CAMTA1: variants seen among roughly 807,000 people sequenced by gnomAD.
CAMTA1 encodes calmodulin-binding transcription activator 1.
Under a neutral mutation model 170.9 loss-of-function variants are expected in CAMTA1, and 27 were observed. The ratio of observed to expected loss-of-function variants is 0.16; its 90% CI spans 0.12 to 0.22. The LOEUF is 0.22. CAMTA1 is among the 10% of genes least tolerant of loss of function. CAMTA1 has a pLI of 1.00. For synonymous variants in CAMTA1, 833 were observed against 891.5 expected (o/e 0.93, Z 1.17); for missense variants, 1,619 against 2,217.2 (o/e 0.73, Z 5.42).
chr1:7,703,877 A>G (rs1275652807), intron 11 of CAMTA1, among the ~76,000 whole-genome samples: 1 of 151,808 alleles, frequency 6.6e-6, no homozygotes, highest in East Asian at 1.9e-4. Flanking sequence ...GGGGCGAGAG[A>G]CCCTCACGCA....
chr1:7,711,765 A>G (rs1050846786), intron 11 of CAMTA1, among the ~76,000 whole-genome samples: 2 of 152,220 alleles, frequency 1.3e-5, no homozygotes, highest in African/African-American at 2.4e-5. Context: ...GCCAGAACCA[A>G]TGCCCCTGGC....
chr1:6,915,627 G>C (rs754071628), intron 3 of CAMTA1, among the ~76,000 whole-genome samples: 4 of 152,216 alleles, frequency 2.6e-5, no homozygotes, highest in African/African-American at 7.2e-5. Context: ...AGGGAGGGCT[G>C]TGCAGTGGAG....
intron 5 of CAMTA1, among the ~76,000 whole-genome samples, chr1:7,440,445 C>T (rs1027379722): frequency 2.6e-5 from 4 of 152,240 alleles, no homozygotes; most frequent in South Asian, 2.1e-4. Flanking sequence ...GGGAGTTCCA[C>T]GGCACCGGCT....
intron 4 of CAMTA1, among the ~76,000 whole-genome samples, chr1:7,208,772 G>A (rs1658220403): frequency 6.6e-6 from 1 of 152,188 alleles, no homozygotes. Flanking sequence ...TGACTATGTG[G>A]GCTGAGAGTA....
chr1:6,938,238 T>G (rs771464220), intron 3 of CAMTA1, among the ~76,000 whole-genome samples: 16 of 152,226 alleles, frequency 1.1e-4, no homozygotes, highest in Non-Finnish European at 1.5e-4. Context: ...GTTTGAAGAC[T>G]GGCCCATGGG....
rs1166994646 is a variant in CAMTA1, at chr1:7,595,167, C to T, written c.511-45233C>T. ...GATCTCTAAACAAAGGGGTGCGGTG[C>T]GCACTTCGAGGCAGCCCTGGATCAT... On this transcript the variant is annotated intron_variant, in intron 6 of 22. Coordinates refer to ENST00000303635, the MANE Select transcript of CAMTA1 (RefSeq NM_015215.4). Among the ~76,000 whole-genome samples, 5 of 152,182 alleles carry T rather than the reference C, an allele frequency of 3.3e-5. No homozygotes were observed. The East Asian group carries it at 7.8e-4, about 24-fold the overall frequency.
intron 6 of CAMTA1, among the ~76,000 whole-genome samples, chr1:7,552,630 G>A (rs529961970): frequency 1.3e-5 from 2 of 152,358 alleles, no homozygotes; most frequent in East Asian, 1.9e-4. Flanking sequence ...CACTGCCCAC[G>A]CATATCCAGG....
chr1:7,160,424 C>T (rs564531187), intron 4 of CAMTA1, among the ~76,000 whole-genome samples: 47 of 152,180 alleles, frequency 3.1e-4, no homozygotes, highest in Middle Eastern at 3.4e-3. Context: ...TCTCAGTCCT[C>T]GTTTCTTTGA....
chr1:6,941,891 G>A (rs990964004), intron 3 of CAMTA1, among the ~76,000 whole-genome samples: 5 of 152,188 alleles, frequency 3.3e-5, no homozygotes, highest in African/African-American at 4.8e-5. Flanking sequence ...GGAAGGAGAG[G>A]TGGGAGCCTT....
intron 11 of CAMTA1, among the ~76,000 whole-genome samples, chr1:7,709,385 G>A (rs1333373729): frequency 6.6e-6 from 1 of 152,212 alleles, no homozygotes; most frequent in Admixed American, 6.5e-5. Context: ...CAAGACAAAC[G>A]TGATCCTACT....
intron 6 of CAMTA1, among the ~76,000 whole-genome samples, chr1:7,507,450 C>T (rs1022054044): frequency 8.5e-5 from 13 of 152,196 alleles, no homozygotes; most frequent in Non-Finnish European, 1.8e-4. Flanking sequence ...CCCCAAGCAG[C>T]TCTTGGCCTC....
chr1:7,460,138 G>A (rs1055797705), intron 5 of CAMTA1, among the ~76,000 whole-genome samples: 7 of 152,274 alleles, frequency 4.6e-5, no homozygotes, highest in African/African-American at 1.7e-4. Flanking sequence ...GGCCCCTGCA[G>A]CTTCACCCCG....
chr1:7,486,526 G>T (rs1387584985), intron 6 of CAMTA1, among the ~76,000 whole-genome samples: 1 of 152,112 alleles, frequency 6.6e-6, no homozygotes, highest in Admixed American at 6.5e-5. Flanking sequence ...CCTCCCCTGG[G>T]GCAAGTCATC....
At chr1:6,929,683 G>C (rs1684034462) in intron 3 of CAMTA1, among the ~76,000 whole-genome samples, 1 of 151,974 alleles carries the variant, frequency 6.6e-6, no homozygotes, top group Admixed American at 6.6e-5. Context: ...ATTTTTAGTA[G>C]AGATGGGGTT....
At chr1:7,701,518 C>A (rs1474691801) in intron 11 of CAMTA1, among the ~76,000 whole-genome samples, 1 of 151,946 alleles carries the variant, frequency 6.6e-6, no homozygotes, top group Non-Finnish European at 1.5e-5. Context: ...TGGGTTCAAG[C>A]AATCCTCTCG....
intron 5 of CAMTA1, among the ~76,000 whole-genome samples, chr1:7,393,054 TA>T (rs34475514): frequency 6.2e-4 from 90 of 144,934 alleles, no homozygotes; most frequent in South Asian, 2.0e-3. Flanking sequence ...CTATATCTCT[TA>T]AAAAAAAAAA....
chr1:7,028,478 T>C (rs1702307795), intron 3 of CAMTA1, among the ~76,000 whole-genome samples: 1 of 152,166 alleles, frequency 6.6e-6, no homozygotes, highest in African/African-American at 2.4e-5. Context: ...CTTCATGAGG[T>C]CCCTGGTTGC....
rs144617006 is a variant in CAMTA1, at chr1:7,248,598, C to T, written c.303-893C>T. Among the ~76,000 whole-genome samples the T allele has an allele frequency of 9.1e-4, 139 of 152,300 alleles. No individual in the cohort carries two copies. Among genetic ancestry groups the T allele is most frequent in the African/African-American group, 3.2e-3 (131 of 41,566 alleles). On this transcript the variant is annotated intron_variant, in intron 4 of 22. Coordinates refer to ENST00000303635, the MANE Select transcript of CAMTA1 (RefSeq NM_015215.4). The surrounding 1 kb of genome is among the most constrained non-coding windows in gnomAD (Gnocchi z 4.0). ...AAAGTGGTTTATCACAGCACTTGCC[C>T]TCAGCTGCTAGAGGGGTTTAGTTCT... is the stretch of plus-strand genomic sequence containing the variant.
At chr1:7,061,604 G>C (rs1020410449) in intron 3 of CAMTA1, among the ~76,000 whole-genome samples, 5 of 151,986 alleles carry the variant, frequency 3.3e-5, no homozygotes, top group African/African-American at 1.2e-4. Context: ...CAGCAGACAG[G>C]CCAGGGAGGA....
Sources: gnomAD v4.1 joint callset for allele counts (sites outside exome capture counted in the v4.1 genomes callset) on GRCh38, gnomAD v4.1.1 for gene constraint, Gnocchi (gnomAD v3.1) non-coding constraint, MANE v1.5 for transcripts, NCBI Gene and HGNC (gene_info 2026-07-23, HGNC 2026-07-21) for gene names.